The following NLGN1 variants were observed in gnomAD, a reference collection of about 807,000 sequenced individuals.
NLGN1 encodes the protein neuroligin 1.
NLGN1 carries 12 observed loss-of-function variants against 65.5 expected under a neutral mutation model. The ratio of observed to expected loss-of-function variants is 0.18; its 90% confidence interval spans 0.12 to 0.30. The LOEUF is 0.30. Among genes scored for constraint, NLGN1 ranks in the 10% least tolerant of loss-of-function variants. The probability of loss-of-function intolerance (pLI) is 1.00; values close to 1 mark genes in which losing one functional copy is unlikely to be tolerated. For synonymous variants in NLGN1, 350 were observed against 359.5 expected (o/e 0.97, Z 0.30); for missense variants, 750 against 1,007.1 (o/e 0.74, Z 3.46).
chr3:173,551,561 A>T (rs1005571875), intron 2 of NLGN1, among the ~76,000 whole-genome samples: 1 of 152,244 alleles, frequency 6.6e-6, no homozygotes, highest in Non-Finnish European at 1.5e-5. Context: ...CATTTAAAAA[A>T]ATCATTTTTT....
At chr3:174,151,064 A>C (rs115221943) in intron 4 of NLGN1, among the ~76,000 whole-genome samples, 1 of 151,904 alleles carries the variant, frequency 6.6e-6, no homozygotes, top group Non-Finnish European at 1.5e-5. Flanking sequence ...TACAGCTCAC[A>C]TAATCCCCTC....
At chr3:173,432,924 G>C (rs1251346168) in intron 1 of NLGN1, among the ~76,000 whole-genome samples, 1 of 151,884 alleles carries the variant, frequency 6.6e-6, no homozygotes, top group Non-Finnish European at 1.5e-5. Flanking sequence ...CTCCCCCCAG[G>C]CTCTCTCAGT....
intron 3 of NLGN1, among the ~76,000 whole-genome samples, chr3:173,718,949 A>G (rs893177032): frequency 4.6e-5 from 7 of 152,174 alleles, no homozygotes; most frequent in Non-Finnish European, 8.8e-5. Flanking sequence ...TTGCTGAGCT[A>G]TAGTTGAAAG....
At chr3:174,136,208 T>C (rs182978544) in intron 4 of NLGN1, among the ~76,000 whole-genome samples, 1 of 152,200 alleles carries the variant, frequency 6.6e-6, no homozygotes, top group Admixed American at 6.5e-5. Flanking sequence ...ATCTGATATA[T>C]TGGTGGAATG....
intron 4 of NLGN1, among the ~76,000 whole-genome samples, chr3:173,843,246 C>T (rs1185553268): frequency 6.6e-6 from 1 of 152,208 alleles, no homozygotes; most frequent in Non-Finnish European, 1.5e-5. Context: ...CCACTTTTTC[C>T]TCCTAGGCCT....
intron 4 of NLGN1, among the ~76,000 whole-genome samples, chr3:174,212,873 CTCT>C (rs1736951963): frequency 6.6e-6 from 1 of 152,154 alleles, no homozygotes; most frequent in African/African-American, 2.4e-5. Flanking sequence ...GGCTTATGAC[CTCT>C]TCTTCCATCT....
chr3:174,268,711 A>C (rs1577708125), intron 4 of NLGN1, among the ~76,000 whole-genome samples: 1 of 152,176 alleles, frequency 6.6e-6, no homozygotes, highest in African/African-American at 2.4e-5. Flanking sequence ...AAACCAAAGA[A>C]ATAGCTATAG....
chr3:173,447,927 T>C (rs1720696324), intron 2 of NLGN1, among the ~76,000 whole-genome samples: 1 of 152,252 alleles, frequency 6.6e-6, no homozygotes, highest in African/African-American at 2.4e-5. Context: ...CCTGAGACTT[T>C]GCTGAAGTTG....
At chr3:174,020,426 T>C (rs2152457094) in intron 4 of NLGN1, among the ~76,000 whole-genome samples, 1 of 152,212 alleles carries the variant, frequency 6.6e-6, no homozygotes, top group South Asian at 2.1e-4. Context: ...CTGAAAATTA[T>C]ATTGGTAATT....
intron 3 of NLGN1, among the ~76,000 whole-genome samples, chr3:173,701,187 A>G (rs144585758): frequency 1.4e-3 from 214 of 152,322 alleles, no homozygotes; most frequent in Admixed American, 3.7e-3. Context: ...TGAAGCATAC[A>G]GGCAGAATAA....
intron 2 of NLGN1, among the ~76,000 whole-genome samples, chr3:173,580,736 G>C (rs11918163): frequency 0.52 from 79,064 of 151,148 alleles, 21,142 homozygotes; most frequent in East Asian, 0.84. Context: ...CTTACTCTGT[G>C]AACTCATTTT....
chr3:173,509,214 G>T (rs932284562), intron 2 of NLGN1, among the ~76,000 whole-genome samples: 11 of 152,010 alleles, frequency 7.2e-5, no homozygotes, highest in Non-Finnish European at 1.6e-4. Flanking sequence ...AACCTATTCA[G>T]CTCTAAGTCA....
At chr3:174,270,722 A>G (rs1283026534) in intron 4 of NLGN1, among the ~76,000 whole-genome samples, 1 of 151,848 alleles carries the variant, frequency 6.6e-6, no homozygotes, top group African/African-American at 2.4e-5. Context: ...AGTCCGTGAC[A>G]TGAAGTTTAA....
chr3:174,215,811 A>T (rs1215630099), intron 4 of NLGN1, among the ~76,000 whole-genome samples: 1 of 152,126 alleles, frequency 6.6e-6, no homozygotes, highest in African/African-American at 2.4e-5. Flanking sequence ...AGTAAGAGAA[A>T]ACTATTTCTA....
intron 4 of NLGN1, among the ~76,000 whole-genome samples, chr3:174,272,483 C>T (rs1461254878): frequency 2.6e-5 from 4 of 151,558 alleles, no homozygotes; most frequent in Non-Finnish European, 5.9e-5. Context: ...CGTCAGTAAT[C>T]AAAAAGTGTA....
At chr3:173,473,927 C>A (rs1364842220) in intron 2 of NLGN1, among the ~76,000 whole-genome samples, 1 of 152,138 alleles carries the variant, frequency 6.6e-6, no homozygotes, top group African/African-American at 2.4e-5. Flanking sequence ...TTGGTCTCTG[C>A]AGTAATTTGG....
chr3:173,462,344 TCTTAA>T (rs1046734011), intron 2 of NLGN1, among the ~76,000 whole-genome samples: 7 of 152,158 alleles, frequency 4.6e-5, no homozygotes, highest in African/African-American at 1.7e-4. Flanking sequence ...TTTTTACCTT[TCTTAA>T]CTTTTTAGCT....
chr3:173,494,405 G>A (rs1055875641), intron 2 of NLGN1, among the ~76,000 whole-genome samples: 3 of 150,070 alleles, frequency 2.0e-5, no homozygotes, highest in South Asian at 2.1e-4. Context: ...TTTTATTATT[G>A]AGTTGTAGTT....
chr3:173,446,720 C>G (rs1720423268), intron 2 of NLGN1, among the ~76,000 whole-genome samples: 1 of 152,192 alleles, frequency 6.6e-6, no homozygotes, highest in Non-Finnish European at 1.5e-5. Flanking sequence ...TCCTCTCCAG[C>G]ACCTGTTGTT....
Sources: allele counts gnomAD v4.1 joint callset (sites outside exome capture counted in the v4.1 genomes callset), GRCh38; gene constraint gnomAD v4.1.1; transcripts MANE v1.5; gene names NCBI Gene and HGNC (gene_info 2026-07-23, HGNC 2026-07-21).